The following MARCHF1 variants were observed in gnomAD, a reference collection of about 807,000 sequenced individuals.
MARCHF1 encodes the protein E3 ubiquitin-protein ligase MARCHF1.
MARCHF1 carries 40 observed loss-of-function variants against 54.2 expected under a neutral mutation model. The observed-to-expected ratio is 0.74, with a 90% CI of 0.57 to 0.96. MARCHF1 has a LOEUF of 0.96. Ranked by LOEUF, MARCHF1 falls within the 40% of genes least tolerant of loss-of-function variation. The pLI is 0.00. For synonymous variants in MARCHF1, 236 were observed against 236.3 expected, an observed-to-expected ratio of 1.00 and a Z score of 0.01; for missense variants, 586 against 656.5, an observed-to-expected ratio of 0.89 and a Z score of 1.17.
At chr4:163,861,917 T>A (rs1749945504) in intron 3 of MARCHF1, among the ~76,000 whole-genome samples, 1 of 152,068 alleles carries the variant, frequency 6.6e-6, no homozygotes, top group Non-Finnish European at 1.5e-5. Flanking sequence ...AATAGACTCA[T>A]GAATAGAGTC....
intron 1 of MARCHF1, among the ~76,000 whole-genome samples, chr4:164,241,214 TC>T (rs1732735880): frequency 6.6e-6 from 1 of 152,068 alleles, no homozygotes; most frequent in African/African-American, 2.4e-5. Flanking sequence ...CATAATTTCA[TC>T]CCCAACCAAT....
chr4:163,727,401 A>G (rs144535958), intron 4 of MARCHF1, among the ~76,000 whole-genome samples: 69 of 150,296 alleles, frequency 4.6e-4, no homozygotes, highest in African/African-American at 1.6e-3. Context: ...TCCGCCTCCC[A>G]GGTTCACGCC....
intron 3 of MARCHF1, among the ~76,000 whole-genome samples, chr4:163,963,550 C>T (rs989199548): frequency 6.6e-6 from 1 of 151,916 alleles, no homozygotes; most frequent in Non-Finnish European, 1.5e-5. Flanking sequence ...GAGATTGTCA[C>T]TGATGTGTAA....
chr4:163,585,720 T>C, intron 8 of MARCHF1, 29 bp downstream of exon 8: 2 of 1,513,098 alleles, frequency 1.3e-6, no homozygotes, highest in Non-Finnish European at 1.8e-6. Context: ...AAATGGTCCC[T>C]CCCAAACCAA....
chr4:163,975,361 C>A (rs1007403451), intron 3 of MARCHF1, among the ~76,000 whole-genome samples: 1 of 152,000 alleles, frequency 6.6e-6, no homozygotes, highest in Admixed American at 6.6e-5. Context: ...TTGTGATGGA[C>A]AAAATAGCTA....
At chr4:163,681,499 C>T (rs562143177) in intron 5 of MARCHF1, among the ~76,000 whole-genome samples, 1 of 152,250 alleles carries the variant, frequency 6.6e-6, no homozygotes, top group African/African-American at 2.4e-5. Context: ...CCCCATATGT[C>T]ATGGGAAGCA....
Position 164,166,937 on chromosome 4 carries a change from GATTTATAAATCTTTAT to G in MARCHF1, c.-322-55291_-322-55276del, listed in dbSNP as rs1258933933. 1.0e-4 allele frequency among the ~76,000 whole-genome samples: 15 copies of G among 150,238 alleles called. No individual in the cohort carries two copies. The East Asian group carries it at 2.9e-3, about 29-fold the overall frequency. On this transcript the variant is annotated intron_variant, in intron 1 of 9. Transcript: ENST00000514618. ...AATAAATTTAGTCAAAAATGTGAAAGATTTATAAATCTTTATATTTATAAATTTTTAAATTTTATAA... is the reference window on the plus strand; with the variant it reads ...AATAAATTTAGTCAAAAATGTGAAAGATTTATAAATTTTTAAATTTTATAA...
chr4:163,746,319 T>C (rs73868690), intron 4 of MARCHF1, among the ~76,000 whole-genome samples: 3,257 of 152,310 alleles, frequency 0.021, 103 homozygotes, highest in African/African-American at 0.065. Flanking sequence ...GTTTCCTCTA[T>C]GTCTTTTTAT....
chr4:164,220,662 A>G (rs184172020), intron 1 of MARCHF1, among the ~76,000 whole-genome samples: 4 of 137,660 alleles, frequency 2.9e-5, no homozygotes, highest in Admixed American at 1.6e-4. Context: ...TATGTAATAT[A>G]TATGCTATAT....
At chr4:163,544,303 GT>G (rs1738819298) in intron 9 of MARCHF1, among the ~76,000 whole-genome samples, 1 of 152,272 alleles carries the variant, frequency 6.6e-6, no homozygotes, top group South Asian at 2.1e-4. Flanking sequence ...GATATTAATG[GT>G]ATGTAAATGA....
At chr4:164,215,597 C>T (rs1347054721) in intron 1 of MARCHF1, among the ~76,000 whole-genome samples, 1 of 152,140 alleles carries the variant, frequency 6.6e-6, no homozygotes, top group Non-Finnish European at 1.5e-5. Flanking sequence ...TTAAAGGGAC[C>T]ATGCCCTTCC....
rs1738104030 is a variant in MARCHF1, at chr4:163,526,337, T to C, written c.*2411A>G. On this transcript the variant is annotated 3_prime_UTR_variant, in exon 10 of 10. Transcript: ENST00000514618. ...TACAGAATTTAAACAATATTTTCCA[T>C]GTTAATTAAAGTAAATAATTATTTT... The C allele has an allele frequency of 6.6e-6, 1 of 152,082 alleles. No individual in the cohort carries two copies. The highest frequency in any genetic ancestry group is 2.4e-5 in the African/African-American group (1 of 41,426). The allele number at this position is 152,082 out of a possible 1,614,324, so 9.4% of individuals were successfully genotyped here. A position where few individuals can be genotyped will look rare whatever the true frequency, so the allele number is the denominator to read the frequency against.
chr4:164,346,322 T>C (rs1344426312), intron 1 of MARCHF1, among the ~76,000 whole-genome samples: 2 of 152,136 alleles, frequency 1.3e-5, no homozygotes, highest in Admixed American at 6.6e-5. Flanking sequence ...AGTCAAATGT[T>C]ATTAAATAGG....
intron 1 of MARCHF1, among the ~76,000 whole-genome samples, chr4:164,349,425 T>G (rs922921532): frequency 6.6e-6 from 1 of 152,188 alleles, no homozygotes; most frequent in Non-Finnish European, 1.5e-5. Context: ...TCTTTCAATT[T>G]TGAAGTATTC....
At chr4:164,349,788 G>C (rs1039836974) in intron 1 of MARCHF1, among the ~76,000 whole-genome samples, 1 of 152,096 alleles carries the variant, frequency 6.6e-6, no homozygotes, top group Non-Finnish European at 1.5e-5. Context: ...CAGCACTTGA[G>C]GTAAAACAGG....
chr4:163,797,838 G>A lies in MARCHF1; in HGVS notation c.111+56183C>T, dbSNP rs921558796. Among the ~76,000 whole-genome samples the A allele has an allele frequency of 2.6e-5, 4 of 152,040 alleles. No individual in the cohort carries two copies. In the South Asian group the frequency reaches 8.3e-4, roughly 32 times the overall value. On this transcript the variant is annotated intron_variant, in intron 4 of 9. Coordinates refer to ENST00000514618, the MANE Select transcript of MARCHF1 (RefSeq NM_001394959.1). ...CTATGCCCAATAATTTCAACATTAA[G>A]TATTTTTGAGTCTAAGCCTGCTGTT... is the stretch of plus-strand genomic sequence containing the variant.
chr4:164,209,046 G>A (rs1020385374), intron 1 of MARCHF1, among the ~76,000 whole-genome samples: 1 of 149,966 alleles, frequency 6.7e-6, no homozygotes, highest in Non-Finnish European at 1.5e-5. Flanking sequence ...TATATAAAAT[G>A]TTTGTGTGTG....
intron 1 of MARCHF1, among the ~76,000 whole-genome samples, chr4:164,261,267 T>C (rs1462123705): frequency 3.3e-5 from 5 of 152,098 alleles, no homozygotes; most frequent in African/African-American, 1.2e-4. Flanking sequence ...TGGTACTTTA[T>C]TACAGGAGCC....
intron 3 of MARCHF1, among the ~76,000 whole-genome samples, chr4:163,912,457 G>A (rs1751213943): frequency 6.6e-6 from 1 of 152,078 alleles, no homozygotes; most frequent in Admixed American, 6.6e-5. Context: ...GGGAAGGGAG[G>A]GACACTTGAG....
Sources: allele counts gnomAD v4.1 joint callset (sites outside exome capture counted in the v4.1 genomes callset), GRCh38; gene constraint gnomAD v4.1.1; transcripts MANE v1.5; gene names NCBI Gene and HGNC (gene_info 2026-07-23, HGNC 2026-07-21).